Variants in GRAMD1B observed in about 807,000 individuals in gnomAD.
GRAMD1B encodes protein Aster-B.
In GRAMD1B, 37 loss-of-function variants were observed where a neutral mutation model predicts 99.7. The observed-to-expected ratio is 0.37, with a 90% CI of 0.29 to 0.49. The LOEUF is 0.49. Ranked by LOEUF, GRAMD1B falls within the 20% of genes least tolerant of loss-of-function variation. The probability of loss-of-function intolerance (pLI) is 0.98; values close to 1 mark genes in which losing one functional copy is unlikely to be tolerated. For missense variants in GRAMD1B, 888 were observed against 1,009.2 expected (o/e 0.88, Z 1.63); for synonymous variants, 427 against 387.6 (o/e 1.10, Z -1.19).
chr11:123,513,605 C>CTCT (rs1555050188), intron 2 of GRAMD1B, among the ~76,000 whole-genome samples: 4 of 31,772 alleles, frequency 1.3e-4, no homozygotes, highest in African/African-American at 3.0e-4. Context: ...TTCCTTCCTT[C>CTCT]CTTCCTTCCT....
In GRAMD1B at chr11:123,551,202, G is replaced by T. The variant is rs1244174309; in HGVS notation, c.453-26165G>T. On this transcript the variant is annotated intron_variant, in intron 2 of 19. Transcript: ENST00000635736. ...AGGGCAGGTTTTTGTATCCTCTCCT[G>T]GACTAGTCATTGGATGCGGTCTGTC... 2.0e-5 allele frequency among the ~76,000 whole-genome samples: 3 copies of T among 152,190 alleles called. No individual in the cohort carries two copies. The East Asian group carries it at 5.8e-4, about 29-fold the overall frequency.
chr11:123,605,394 G>A lies in GRAMD1B; in HGVS notation c.1239G>A (p.Lys413=). ...CATCCAAGAGCAGCATAGAGACCAA[G>A]CCAGATGCCAGTCCACAGCTGCCCA... The part of the protein sequence containing the change: ...DSSSKSSIET[K]PDASPQLPKK... Residue 413 remains lysine (K), a synonymous_variant, in exon 10 of 20, where the codon AAG becomes AAA. Coordinates refer to ENST00000635736, the MANE Select transcript of GRAMD1B (RefSeq NM_001387025.1). The A allele has an allele frequency of 6.2e-7, 1 of 1,613,350 alleles. No homozygotes were observed. Among genetic ancestry groups the A allele is most frequent in the Admixed American group, 1.7e-5 (1 of 59,994 alleles).
intron 1 of GRAMD1B, among the ~76,000 whole-genome samples, chr11:123,449,113 C>T (rs192044032): frequency 9.3e-4 from 141 of 152,298 alleles, no homozygotes; most frequent in Non-Finnish European, 1.6e-3. Flanking sequence ...AAGGCCTTTT[C>T]GTTTGTTTAG....
At chr11:123,517,033 C>T (rs1362076115) in intron 2 of GRAMD1B, among the ~76,000 whole-genome samples, 1 of 152,178 alleles carries the variant, frequency 6.6e-6, no homozygotes, top group Non-Finnish European at 1.5e-5. Context: ...AATTCTCCTG[C>T]CTCAGCCTCC....
chr11:123,379,710 C>G (rs1396330907), intron 1 of GRAMD1B, among the ~76,000 whole-genome samples: 2 of 152,210 alleles, frequency 1.3e-5, no homozygotes, highest in African/African-American at 4.8e-5. Flanking sequence ...AGTGAAATTA[C>G]TGGGTCATAT....
At chr11:123,446,624 T>C (rs1949657603) in intron 1 of GRAMD1B, among the ~76,000 whole-genome samples, 1 of 152,166 alleles carries the variant, frequency 6.6e-6, no homozygotes, top group South Asian at 2.1e-4. Flanking sequence ...TTCTCCATGC[T>C]TGGATTGCTT....
At chr11:123,539,034 C>T (rs116707151) in intron 2 of GRAMD1B, among the ~76,000 whole-genome samples, 2,600 of 152,146 alleles carry the variant, frequency 0.017, 69 homozygotes, top group African/African-American at 0.055. Flanking sequence ...ATCAGTACTT[C>T]GTTACTTTCT....
At chr11:123,564,687 G>C (rs1947155282) in intron 2 of GRAMD1B, among the ~76,000 whole-genome samples, 2 of 152,242 alleles carry the variant, frequency 1.3e-5, no homozygotes, top group African/African-American at 4.8e-5. Context: ...CTCACCAACT[G>C]TTTGATGGGT....
At position 123,510,264 on chromosome 11, in the gene GRAMD1B, C is replaced by T. The variant is rs1035970074; in HGVS notation, c.452+29371C>T. On this transcript the variant is annotated intron_variant, in intron 2 of 19. Transcript: ENST00000635736. This position sits in a 1 kb window ranked among gnomAD's most constrained non-coding sequence, Gnocchi z 4.3. Reference sequence around the variant, plus strand: ...CTCATTACCTGCCAGCTGGCCTCTTCCCACATGCCCCCCTCATCCTGACCT... The same window carrying T: ...CTCATTACCTGCCAGCTGGCCTCTTTCCACATGCCCCCCTCATCCTGACCT... 6.6e-6 allele frequency among the ~76,000 whole-genome samples: 1 copy of T among 152,182 alleles called. No individual in the cohort carries two copies. The highest frequency in any genetic ancestry group is 2.4e-5 in the African/African-American group (1 of 41,442).
At chr11:123,608,435 A>C in intron 11 of GRAMD1B, 1 of 1,365,380 alleles carries the variant, frequency 7.3e-7, no homozygotes, top group South Asian at 1.4e-5. Context: ...AGGAATGGGT[A>C]GTGTCAGCTA....
At chr11:123,387,237 G>C (rs767804402) in intron 1 of GRAMD1B, among the ~76,000 whole-genome samples, 1 of 152,106 alleles carries the variant, frequency 6.6e-6, no homozygotes, top group Non-Finnish European at 1.5e-5. Context: ...ATGACTAATG[G>C]CTCTGGATGT....
intron 2 of GRAMD1B, among the ~76,000 whole-genome samples, chr11:123,487,390 T>C (rs1937946014): frequency 6.6e-6 from 1 of 152,046 alleles, no homozygotes; most frequent in African/African-American, 2.4e-5. Context: ...AAGATGTACA[T>C]AAGCATGGAG....
intron 1 of GRAMD1B, among the ~76,000 whole-genome samples, chr11:123,375,453 C>T (rs1055390717): frequency 3.9e-5 from 6 of 151,944 alleles, no homozygotes; most frequent in African/African-American, 7.3e-5. Flanking sequence ...ACTGTTTATC[C>T]GGCATCTCCT....
rs2136960959 is a variant in GRAMD1B at position 123,610,958 on chromosome 11, C to T, written c.1919+620C>T. Among the ~76,000 whole-genome samples, 1 of 152,344 alleles carries T rather than the reference C, an allele frequency of 6.6e-6. No individual in the cohort carries two copies. Among genetic ancestry groups the T allele is most frequent in the East Asian group, 1.9e-4 (1 of 5,188 alleles). On this transcript the variant is annotated intron_variant, in intron 14 of 19. Coordinates refer to ENST00000635736, the MANE Select transcript of GRAMD1B (RefSeq NM_001387025.1). This position sits in a 1 kb window ranked among gnomAD's most constrained non-coding sequence, Gnocchi z 4.1. ...CCAAAGGAAGGAAGACATTTAGACCCTGACATTTTAAGAAACTTGTAGTCT... is the reference window on the plus strand; with the variant it reads ...CCAAAGGAAGGAAGACATTTAGACCTTGACATTTTAAGAAACTTGTAGTCT...
chr11:123,582,707 A>T (rs985994572), intron 3 of GRAMD1B, among the ~76,000 whole-genome samples: 1 of 152,232 alleles, frequency 6.6e-6, no homozygotes, highest in South Asian at 2.1e-4. Context: ...TACAGAGTTC[A>T]GGTGGAATGG....
chr11:123,431,229 C>T (rs1287986185), intron 1 of GRAMD1B, 63 bp downstream of exon 1: 2 of 623,762 alleles, frequency 3.2e-6, no homozygotes, highest in African/African-American at 3.7e-5. Flanking sequence ...CCGTCCAGGG[C>T]CCCGGGGCAT....
At chr11:123,544,215 A>G (rs976900846) in intron 2 of GRAMD1B, among the ~76,000 whole-genome samples, 1 of 152,208 alleles carries the variant, frequency 6.6e-6, no homozygotes, top group African/African-American at 2.4e-5. Flanking sequence ...CCCTAATAAC[A>G]GACAGTATTT....
intron 3 of GRAMD1B, among the ~76,000 whole-genome samples, chr11:123,583,633 G>T (rs1949714103): frequency 6.6e-6 from 1 of 152,074 alleles, no homozygotes. Flanking sequence ...CTGGGTCTGG[G>T]AATGGAGAAC....
chr11:123,406,768 C>T (rs983092582), intron 1 of GRAMD1B, among the ~76,000 whole-genome samples: 3 of 152,152 alleles, frequency 2.0e-5, no homozygotes, highest in African/African-American at 7.2e-5. Flanking sequence ...TTTAAGGGCT[C>T]TCAAGGGAGG....
Sources: allele counts gnomAD v4.1 joint callset (sites outside exome capture counted in the v4.1 genomes callset), GRCh38; gene constraint gnomAD v4.1.1; non-coding constraint Gnocchi (gnomAD v3.1); transcripts MANE v1.5; gene names NCBI Gene and HGNC (gene_info 2026-07-23, HGNC 2026-07-21).